CDHR3: variants seen among roughly 807,000 people sequenced by gnomAD.
CDHR3 encodes cadherin-related family member 3.
Under a neutral mutation model 86.6 loss-of-function variants are expected in CDHR3, and 79 were observed. The ratio of observed to expected loss-of-function variants is 0.91; its 90% CI spans 0.76 to 1.10. CDHR3 has a LOEUF of 1.10. Among genes scored for constraint, CDHR3 ranks in the 50% least tolerant of loss-of-function variants. The pLI, the probability that CDHR3 is intolerant of heterozygous loss-of-function variation, is 0.00. For missense variants in CDHR3, 1,081 were observed against 1,077.6 expected (o/e 1.00, Z -0.04); for synonymous variants, 421 against 402.4 (o/e 1.05, Z -0.55).
In CDHR3 at chr7:106,020,448, G is replaced by T. The variant is rs376249428; in HGVS notation, c.1729G>T (p.Val577Leu). ...AAACTCTTATTTCCTGGCCCTCCCA[G>T]TGGATCTGAAAGTTGGCACAAATAT... is the stretch of plus-strand genomic sequence containing the variant. Reference protein sequence around the residue: ...TPNSYFLALPVDLKVGTNIQN... With the variant: ...TPNSYFLALPLDLKVGTNIQN... The change falls in exon 13 of 19, where the codon GTG becomes TTG. Residue 577 changes from valine (V) to leucine (L), a missense_variant. Val to Leu is a conservative substitution (Grantham distance 32, BLOSUM62 1). Coordinates refer to ENST00000317716, the MANE Select transcript of CDHR3 (RefSeq NM_152750.5). 2 of 1,613,886 alleles carry T rather than the reference G, an allele frequency of 1.2e-6. No homozygotes were observed. The highest frequency in any genetic ancestry group is 1.3e-5 in the African/African-American group (1 of 74,924).
intron 4 of CDHR3, among the ~76,000 whole-genome samples, chr7:105,987,333 C>T (rs1830669598): frequency 6.6e-6 from 1 of 152,158 alleles, no homozygotes; most frequent in African/African-American, 2.4e-5. Flanking sequence ...TATTTAACAC[C>T]TGTGCTGGAA....
chr7:106,000,058 G>T (rs1832898402), intron 6 of CDHR3, among the ~76,000 whole-genome samples: 1 of 152,228 alleles, frequency 6.6e-6, no homozygotes, highest in Non-Finnish European at 1.5e-5. Flanking sequence ...TCCTGGCTCT[G>T]GTTTTGGCTC....
intron 6 of CDHR3, among the ~76,000 whole-genome samples, chr7:105,998,876 T>G (rs888000058): frequency 1.3e-5 from 2 of 152,140 alleles, no homozygotes; most frequent in African/African-American, 4.8e-5. Flanking sequence ...TGCACAGCAC[T>G]TTATTTTAGA....
intron 6 of CDHR3, among the ~76,000 whole-genome samples, chr7:105,997,636 G>A (rs1832455895): frequency 6.6e-6 from 1 of 152,022 alleles, no homozygotes; most frequent in African/African-American, 2.4e-5. Context: ...CAGGGCTGGA[G>A]CAGATGCATT....
rs750959668 is a variant in CDHR3 at position 106,001,511 on chromosome 7, G to A, written c.763G>A (p.Val255Met). 13 of 1,613,864 alleles carry A rather than the reference G, an allele frequency of 8.1e-6. No individual in the cohort carries two copies. The Middle Eastern group carries it at 4.9e-4, about 61-fold the overall frequency. Reference protein sequence around the residue: ...VLEELSPGTIVANITAEDPDD... With the variant: ...VLEELSPGTIMANITAEDPDD... The stretch of plus-strand genomic sequence containing the variant: ...GGAGGAACTGAGTCCAGGAACCATC[G>A]TGGCCAATATCACAGCGGAGGATCC... Residue 255 changes from valine (V) to methionine (M), a missense_variant, in exon 7 of 19, where the codon GTG becomes ATG. Coordinates refer to ENST00000317716, the MANE Select transcript of CDHR3 (RefSeq NM_152750.5).
chr7:106,026,637 G>A (rs760959159), intron 15 of CDHR3, 45 bp from the exon 16 acceptor site: 4 of 1,608,056 alleles, frequency 2.5e-6, no homozygotes, highest in Non-Finnish European at 2.6e-6. Context: ...TGCCAGTGCA[G>A]CATACTTTCA....
chr7:105,984,677 A>G (rs1053462064), intron 4 of CDHR3, among the ~76,000 whole-genome samples: 2 of 152,130 alleles, frequency 1.3e-5, no homozygotes, highest in Non-Finnish European at 2.9e-5. Flanking sequence ...TAAGCTCATA[A>G]AAACCAGCTC....
intron 11 of CDHR3, among the ~76,000 whole-genome samples, 170 bp from the exon 12 acceptor site, chr7:106,017,676 G>T (rs924011177): frequency 2.0e-5 from 3 of 152,026 alleles, no homozygotes; most frequent in Non-Finnish European, 4.4e-5. Flanking sequence ...CCTAGCGGGT[G>T]TTGGTTAGCA....
chr7:105,963,399 C>G, intron 1 of CDHR3, 35 bp downstream of exon 1: 1 of 1,605,396 alleles, frequency 6.2e-7, no homozygotes, highest in Non-Finnish European at 8.5e-7. Context: ...ACCTTGCTTG[C>G]CTACTTGGTC....
intron 8 of CDHR3, among the ~76,000 whole-genome samples, chr7:106,007,284 AT>A (rs1357221506): frequency 1.3e-5 from 2 of 151,960 alleles, no homozygotes; most frequent in Non-Finnish European, 2.9e-5. Flanking sequence ...CATTTACCCC[AT>A]TGTCTTGGTG....
rs1830204133 is a variant in CDHR3, at chr7:105,984,239, C to G, written c.463C>G (p.Gln155Glu). 1 of 1,610,768 alleles carries G rather than the reference C, an allele frequency of 6.2e-7. No homozygotes were observed. The highest frequency in any genetic ancestry group is 8.5e-7 in the Non-Finnish European group (1 of 1,177,828). The part of the protein sequence containing the change: ...VERANPGFIY[Q>E]VEAFDPEDTS... The stretch of plus-strand genomic sequence containing the variant: ...AAGAGCAAACCCTGGATTCATTTAC[C>G]AGGTTGAGGCCTTCGATCCAGAAGA... The change falls in exon 4 of 19, where the codon CAG (glutamine) becomes GAG (glutamate). Residue 155 changes from glutamine (Q) to glutamate (E), a missense_variant. Physicochemically the swap from Gln to Glu is conservative, Grantham distance 29. Transcript: ENST00000317716.
chr7:106,006,713 A>G (rs759267311), intron 8 of CDHR3, among the ~76,000 whole-genome samples: 8 of 152,136 alleles, frequency 5.3e-5, no homozygotes, highest in Non-Finnish European at 8.8e-5. Flanking sequence ...TACAGCTTCC[A>G]TCCTGGATGC....
intron 18 of CDHR3, among the ~76,000 whole-genome samples, chr7:106,031,401 C>T (rs1483826001): frequency 6.6e-6 from 1 of 152,234 alleles, no homozygotes; most frequent in Non-Finnish European, 1.5e-5. Flanking sequence ...CCAAATTTAG[C>T]TCCTTTACAC....
intron 2 of CDHR3, among the ~76,000 whole-genome samples, chr7:105,979,155 GTTA>G (rs1373863307): frequency 1.3e-5 from 2 of 152,160 alleles, no homozygotes; most frequent in Non-Finnish European, 2.9e-5. Context: ...AAAAGTAGGT[GTTA>G]TTATCCCCAT....
chr7:106,018,136 C>A (rs1302096248), intron 12 of CDHR3, 64 bp downstream of exon 12: 3 of 1,327,848 alleles, frequency 2.3e-6, no homozygotes, highest in Non-Finnish European at 3.2e-6. Flanking sequence ...CTCTCTGGCA[C>A]CCCCAGAGTG....
At chr7:106,007,187 C>G (rs1476387510) in intron 8 of CDHR3, among the ~76,000 whole-genome samples, 2 of 152,230 alleles carry the variant, frequency 1.3e-5, no homozygotes, top group African/African-American at 4.8e-5. Flanking sequence ...GACCCAGGGC[C>G]TGGCCCATGA....
At chr7:106,016,621 G>A (rs1368524018) in intron 11 of CDHR3, among the ~76,000 whole-genome samples, 1 of 152,022 alleles carries the variant, frequency 6.6e-6, no homozygotes, top group South Asian at 2.1e-4. Flanking sequence ...TAGTGTAATA[G>A]ACTCCCCACA....
intron 16 of CDHR3, among the ~76,000 whole-genome samples, chr7:106,028,132 T>C (rs982110021): frequency 1.9e-5 from 1 of 51,442 alleles, no homozygotes; most frequent in Non-Finnish European, 5.4e-5. Context: ...TAAAATAAAA[T>C]AAAATAAAAT....
chr7:106,032,103 T>C (rs1838462190), intron 18 of CDHR3, among the ~76,000 whole-genome samples: 1 of 152,250 alleles, frequency 6.6e-6, no homozygotes, highest in Non-Finnish European at 1.5e-5. Context: ...AAGAGTTACA[T>C]GGCCTTCTCA....
Sources: gnomAD v4.1 joint callset for allele counts (sites outside exome capture counted in the v4.1 genomes callset) on GRCh38, gnomAD v4.1.1 for gene constraint, MANE v1.5 for transcripts, NCBI Gene and HGNC (gene_info 2026-07-23, HGNC 2026-07-21) for gene names.